Variants in SLC25A13 observed in about 807,000 individuals in gnomAD.
SLC25A13 encodes solute carrier family 25 member 13.
Under a neutral mutation model 85.5 loss-of-function variants are expected in SLC25A13, and 70 were observed. That is an observed-to-expected ratio of 0.82 (90% CI 0.68 to 1.00). The LOEUF (loss-of-function observed/expected upper bound fraction) is 1.00, where lower values mean the gene tolerates loss of function less well. SLC25A13 is among the 50% of genes least tolerant of loss of function. The pLI, the probability that SLC25A13 is intolerant of heterozygous loss-of-function variation, is 0.00. For synonymous variants in SLC25A13, 259 were observed against 288.7 expected, an observed-to-expected ratio of 0.90 and a Z score of 1.04; for missense variants, 765 against 819.8, an observed-to-expected ratio of 0.93 and a Z score of 0.82.
At chr7:96,214,901 T>G (rs76833539) in intron 4 of SLC25A13, among the ~76,000 whole-genome samples, 5,211 of 152,150 alleles carry the variant, frequency 0.034, 230 homozygotes, top group African/African-American at 0.1. Context: ...ACACATCCCA[T>G]GTTCACGGAT....
At chr7:96,278,612 G>A (rs1235017847) in intron 2 of SLC25A13, among the ~76,000 whole-genome samples, 2 of 152,086 alleles carry the variant, frequency 1.3e-5, no homozygotes, top group African/African-American at 4.8e-5. Flanking sequence ...TAAGACTGAT[G>A]CTAGAAATAT....
In SLC25A13 at chr7:96,309,263, T is replaced by C. The variant is rs190162647; in HGVS notation, c.16-12312A>G. On this transcript the variant is annotated intron_variant, in intron 1 of 17. Coordinates refer to ENST00000265631, the MANE Select transcript of SLC25A13 (RefSeq NM_014251.3). ...ACCTGCTGGGAATTTTGCCCTCTAA[T>C]GTACCTGGGCTTTTTTAATCACAAG... 1.7e-3 allele frequency among the ~76,000 whole-genome samples: 266 copies of C among 152,298 alleles called. 1 individual carries two copies. Among genetic ancestry groups the C allele is most frequent in the Non-Finnish European group, 3.2e-3 (218 of 68,016 alleles).
chr7:96,132,266 GC>G (rs1792065524), intron 14 of SLC25A13, among the ~76,000 whole-genome samples: 1 of 152,154 alleles, frequency 6.6e-6, no homozygotes, highest in Admixed American at 6.5e-5. Flanking sequence ...CAGTCAAGAT[GC>G]CTCTTTGTTT....
intron 3 of SLC25A13, among the ~76,000 whole-genome samples, chr7:96,244,139 G>T (rs79853280): frequency 1.3e-5 from 2 of 152,180 alleles, no homozygotes; most frequent in African/African-American, 4.8e-5. Flanking sequence ...TGGGGTCTGG[G>T]GGGGTCCTGT....
chr7:96,210,118 T>G (rs958697962), intron 4 of SLC25A13, among the ~76,000 whole-genome samples: 5 of 152,196 alleles, frequency 3.3e-5, no homozygotes, highest in Non-Finnish European at 7.4e-5. Flanking sequence ...CCAGAAATTT[T>G]TAAAGCCTTG....
rs149885169 is a variant in SLC25A13 at position 96,288,426 on chromosome 7, G to C, written c.69+8472C>G. The stretch of plus-strand genomic sequence containing the variant: ...GGGGCTCATTGGACAGTGGGGGCAG[G>C]ACAGTGGGTGCAGCCCACCAAGTGT... On this transcript the variant is annotated intron_variant, in intron 2 of 17. Transcript: ENST00000265631. Among the ~76,000 whole-genome samples, 1,452 of 152,304 alleles carry C rather than the reference G, an allele frequency of 9.5e-3. 11 individuals are homozygous for C. Among genetic ancestry groups the C allele is most frequent in the Non-Finnish European group, 0.015 (1,043 of 68,022 alleles).
chr7:96,252,875 C>T (rs1215501453), intron 3 of SLC25A13, among the ~76,000 whole-genome samples: 5 of 152,118 alleles, frequency 3.3e-5, no homozygotes, highest in African/African-American at 1.2e-4. Flanking sequence ...GGGTGGATCA[C>T]TTGAGGCTAG....
At chr7:96,187,913 T>A (rs1011783307) in intron 9 of SLC25A13, among the ~76,000 whole-genome samples, 2 of 152,132 alleles carry the variant, frequency 1.3e-5, no homozygotes, top group Non-Finnish European at 2.9e-5. Flanking sequence ...GCTCTAAACC[T>A]CTAAGCGGCA....
intron 13 of SLC25A13, chr7:96,166,795 C>T (rs1793767499): frequency 1.3e-5 from 2 of 152,104 alleles, no homozygotes; most frequent in South Asian, 2.1e-4. Context: ...GGTAACAGAA[C>T]CTCTGTCTTC....
intron 2 of SLC25A13, among the ~76,000 whole-genome samples, chr7:96,280,594 A>T (rs1798637966): frequency 6.6e-6 from 1 of 152,136 alleles, no homozygotes; most frequent in East Asian, 1.9e-4. Flanking sequence ...GTGCACCTGT[A>T]GTCCCAGCTA....
intron 11 of SLC25A13, among the ~76,000 whole-genome samples, chr7:96,172,091 T>C (rs1794026409): frequency 6.6e-6 from 1 of 152,206 alleles, no homozygotes; most frequent in African/African-American, 2.4e-5. Flanking sequence ...TTCTAATTTA[T>C]CTATGTAAGA....
intron 4 of SLC25A13, among the ~76,000 whole-genome samples, chr7:96,222,287 T>C (rs1796160984): frequency 6.6e-6 from 1 of 152,200 alleles, no homozygotes; most frequent in East Asian, 1.9e-4. Context: ...TCAGACTCCA[T>C]GCTAACTGGC....
At chr7:96,178,394 C>T (rs1794304554) in intron 11 of SLC25A13, among the ~76,000 whole-genome samples, 1 of 152,102 alleles carries the variant, frequency 6.6e-6, no homozygotes, top group Non-Finnish European at 1.5e-5. Flanking sequence ...CAGGGGCCAG[C>T]CCAAACCAGA....
intron 4 of SLC25A13, among the ~76,000 whole-genome samples, chr7:96,232,498 T>C (rs745502076): frequency 1.1e-4 from 16 of 151,722 alleles, no homozygotes; most frequent in Admixed American, 4.6e-4. Context: ...GGGTACTAGG[T>C]TTAATATCTG....
At chr7:96,224,855 G>C (rs1485442988) in intron 4 of SLC25A13, among the ~76,000 whole-genome samples, 2 of 152,154 alleles carry the variant, frequency 1.3e-5, no homozygotes, top group African/African-American at 4.8e-5. Context: ...AAAAGCATGA[G>C]TATCAACACC....
intron 3 of SLC25A13, among the ~76,000 whole-genome samples, chr7:96,240,887 A>G (rs1431138187): frequency 6.8e-6 from 1 of 147,622 alleles, no homozygotes; most frequent in African/African-American, 2.5e-5. Context: ...AATCTGACAG[A>G]GGAGTGTTAA....
At chr7:96,256,142 C>T (rs1020098861) in intron 3 of SLC25A13, among the ~76,000 whole-genome samples, 3 of 152,106 alleles carry the variant, frequency 2.0e-5, no homozygotes, top group Admixed American at 6.6e-5. Flanking sequence ...TAAAAACCAT[C>T]GACACTATGA....
At chr7:96,217,994 C>T (rs958663819) in intron 4 of SLC25A13, among the ~76,000 whole-genome samples, 16 of 151,366 alleles carry the variant, frequency 1.1e-4, no homozygotes, top group African/African-American at 3.9e-4. Flanking sequence ...ACTCAATTCG[C>T]TCAATCTTTA....
At chr7:96,272,492 C>G (rs529552147) in intron 3 of SLC25A13, among the ~76,000 whole-genome samples, 32 of 152,256 alleles carry the variant, frequency 2.1e-4, no homozygotes, top group African/African-American at 7.5e-4. Flanking sequence ...TCCTAAGCAC[C>G]ATTCCTAAAT....
Sources: allele counts gnomAD v4.1 joint callset (sites outside exome capture counted in the v4.1 genomes callset), GRCh38; gene constraint gnomAD v4.1.1; transcripts MANE v1.5; gene names NCBI Gene and HGNC (gene_info 2026-07-23, HGNC 2026-07-21).